SLC2A13: variants seen among roughly 807,000 people sequenced by gnomAD.
SLC2A13 encodes solute carrier family 2 member 13.
Under a neutral mutation model 64.4 loss-of-function variants are expected in SLC2A13, and 32 were observed. The observed-to-expected ratio is 0.50, with a 90% CI of 0.37 to 0.67. SLC2A13 has a LOEUF of 0.67. Ranked by LOEUF, SLC2A13 falls within the 30% of genes least tolerant of loss-of-function variation. The pLI, the probability that SLC2A13 is intolerant of heterozygous loss-of-function variation, is 0.00. For synonymous variants in SLC2A13, 338 were observed against 327.1 expected, an observed-to-expected ratio of 1.03 and a Z score of -0.36; for missense variants, 743 against 829.2, an observed-to-expected ratio of 0.90 and a Z score of 1.28.
intron 4 of SLC2A13, among the ~76,000 whole-genome samples, chr12:39,940,410 A>T (rs1000108457): frequency 2.0e-5 from 3 of 148,148 alleles, no homozygotes; most frequent in Admixed American, 6.7e-5. Flanking sequence ...TTGCGTGGTA[A>T]TTTTTTTTTT....
intron 4 of SLC2A13, among the ~76,000 whole-genome samples, chr12:39,931,682 C>A (rs995907651): frequency 6.6e-6 from 1 of 152,074 alleles, no homozygotes; most frequent in African/African-American, 2.4e-5. Flanking sequence ...GAAAATGATT[C>A]CCAATTTCAA....
intron 1 of SLC2A13, among the ~76,000 whole-genome samples, chr12:40,084,428 A>T (rs527882497): frequency 6.6e-6 from 1 of 152,358 alleles, no homozygotes; most frequent in African/African-American, 2.4e-5. Context: ...AACTTCAGCA[A>T]GATGTCTTAA....
chr12:39,970,256 T>C (rs1274889821), intron 3 of SLC2A13, among the ~76,000 whole-genome samples: 1 of 152,244 alleles, frequency 6.6e-6, no homozygotes, highest in Non-Finnish European at 1.5e-5. Context: ...TTTGTTCTTT[T>C]GGCTTAGGAT....
In SLC2A13 at chr12:39,798,630, G is replaced by A. The variant is rs894810317; in HGVS notation, c.1445+31473C>T. On this transcript the variant is annotated intron_variant, in intron 7 of 9. Transcript: ENST00000280871. ...CTCCAGCTCCTGTGTTTGGCCTCGTGGCAGGGCAAGCACAGCCTCCCTGGA... is the reference window on the plus strand; with the variant it reads ...CTCCAGCTCCTGTGTTTGGCCTCGTAGCAGGGCAAGCACAGCCTCCCTGGA... Among the ~76,000 whole-genome samples the A allele has an allele frequency of 3.9e-5, 6 of 152,186 alleles. No individual in the cohort carries two copies. The East Asian group carries it at 1.2e-3, about 29-fold the overall frequency.
At chr12:40,014,755 A>G (rs1412976365) in intron 3 of SLC2A13, among the ~76,000 whole-genome samples, 2 of 152,228 alleles carry the variant, frequency 1.3e-5, no homozygotes, top group African/African-American at 4.8e-5. Flanking sequence ...AGCCTGCCGA[A>G]GTACTGGGAT....
intron 4 of SLC2A13, among the ~76,000 whole-genome samples, chr12:39,920,680 T>C (rs1945599968): frequency 6.6e-6 from 1 of 152,000 alleles, no homozygotes; most frequent in Non-Finnish European, 1.5e-5. Context: ...TCAGGCAAAA[T>C]ACTGCACTTT....
rs776565219 is a variant in SLC2A13 at position 39,864,820 on chromosome 12, G to A, written c.1261C>T (p.Arg421Cys). The A allele has an allele frequency of 1.8e-5, 29 of 1,613,862 alleles. No homozygotes were observed. The highest frequency in any genetic ancestry group is 8.9e-5 in the East Asian group (4 of 44,886). Residue 421 changes from arginine (R) to cysteine (C), a missense_variant, in exon 6 of 10, where the codon CGC becomes TGC. Around this residue, in one of 2 missense-constraint regions of SLC2A13, gnomAD observed 295 missense variants for 381.7 expected, o/e 0.77. Transcript: ENST00000280871. Reference protein sequence around the residue: ...GFVLSAQVSPRITFKPIAPSG... With the variant: ...GFVLSAQVSPCITFKPIAPSG... ...GGAGCTATTGGCTTAAAAGTGATGCGTGGGGAAACTTGGGCTGATAGCACA... is the reference window on the plus strand; with the variant it reads ...GGAGCTATTGGCTTAAAAGTGATGCATGGGGAAACTTGGGCTGATAGCACA...
chr12:39,904,958 G>T (rs749941186), intron 4 of SLC2A13, among the ~76,000 whole-genome samples: 4 of 151,958 alleles, frequency 2.6e-5, no homozygotes, highest in Non-Finnish European at 4.4e-5. Context: ...TGATACAGAC[G>T]TGCAGGCAAA....
chr12:40,030,726 GA>G (rs1418606294), intron 2 of SLC2A13, among the ~76,000 whole-genome samples: 2 of 151,040 alleles, frequency 1.3e-5, no homozygotes, highest in Non-Finnish European at 3.0e-5. Flanking sequence ...TTTTTAAACA[GA>G]AAAAAAGACA....
intron 3 of SLC2A13, among the ~76,000 whole-genome samples, chr12:39,977,543 C>T: frequency 6.6e-6 from 1 of 152,228 alleles, no homozygotes; most frequent in East Asian, 1.9e-4. Context: ...TGAAAAAACA[C>T]ATCAGAATTT....
At chr12:39,828,982 T>G (rs1942769642) in intron 7 of SLC2A13, among the ~76,000 whole-genome samples, 1 of 152,180 alleles carries the variant, frequency 6.6e-6, no homozygotes, top group South Asian at 2.1e-4. Flanking sequence ...AGCAGTTCTC[T>G]AATGAAACAA....
chr12:39,911,653 G>C (rs1441916744), intron 4 of SLC2A13, among the ~76,000 whole-genome samples: 1 of 152,056 alleles, frequency 6.6e-6, no homozygotes, highest in African/African-American at 2.4e-5. Context: ...GACAAAGTCT[G>C]TTTCCACTAT....
At chr12:39,896,249 CATGT>C (rs1479673190) in intron 4 of SLC2A13, among the ~76,000 whole-genome samples, 1 of 92,518 alleles carries the variant, frequency 1.1e-5, no homozygotes, top group African/African-American at 4.0e-5. Flanking sequence ...TATATGTATA[CATGT>C]ATGTATATGT....
chr12:39,937,153 A>G (rs375930505), intron 4 of SLC2A13, among the ~76,000 whole-genome samples: 1 of 152,190 alleles, frequency 6.6e-6, no homozygotes. Context: ...GAATAAATGT[A>G]AATCTGGGAA....
chr12:39,959,737 C>T (rs370021896), intron 3 of SLC2A13, among the ~76,000 whole-genome samples: 3 of 152,066 alleles, frequency 2.0e-5, no homozygotes, highest in East Asian at 2.0e-4. Flanking sequence ...GAAAAAATTA[C>T]GAAGAATTAC....
At chr12:39,980,788 AC>A (rs1007601982) in intron 3 of SLC2A13, among the ~76,000 whole-genome samples, 4 of 152,110 alleles carry the variant, frequency 2.6e-5, no homozygotes, top group Admixed American at 2.6e-4. Context: ...CAACAAGGAT[AC>A]CCAGGAATTG....
chr12:39,863,818 C>T (rs1235205636), intron 6 of SLC2A13, among the ~76,000 whole-genome samples: 1 of 152,214 alleles, frequency 6.6e-6, no homozygotes, highest in Non-Finnish European at 1.5e-5. Flanking sequence ...TTGTAATGAA[C>T]AGCCACCATA....
chr12:39,829,374 TGTAATGTGATA>T (rs1280595281), intron 7 of SLC2A13: 1 of 144,810 alleles, frequency 6.9e-6, no homozygotes, highest in Non-Finnish European at 1.5e-5. Context: ...CATAAAAGAA[TGTAATGTGATA>T]GTAATTCTTT....
chr12:39,808,323 A>T (rs1473666590), intron 7 of SLC2A13, among the ~76,000 whole-genome samples: 2 of 152,182 alleles, frequency 1.3e-5, no homozygotes, highest in Non-Finnish European at 2.9e-5. Context: ...ATATGGGTGT[A>T]TCATAATTTG....
Sources: allele counts gnomAD v4.1 joint callset (sites outside exome capture counted in the v4.1 genomes callset), GRCh38; gene constraint gnomAD v4.1.1; regional missense constraint gnomAD v4.1.1; transcripts MANE v1.5; gene names NCBI Gene and HGNC (gene_info 2026-07-23, HGNC 2026-07-21).